Variants in RB1 observed in about 807,000 individuals in gnomAD.
RB1 encodes RB transcriptional corepressor 1.
A neutral mutation model predicts 135.4 loss-of-function variants in RB1; 18 were observed. The ratio of observed to expected loss-of-function variants is 0.13; its 90% CI spans 0.09 to 0.20. RB1 has a LOEUF of 0.20. Among genes scored for constraint, RB1 ranks in the 10% least tolerant of loss-of-function variants. The pLI is 1.00. For synonymous variants in RB1, 365 were observed against 373.2 expected (o/e 0.98, Z 0.25); for missense variants, 868 against 1,110.0 (o/e 0.78, Z 3.10).
chr13:48,326,955 A>C (rs553997783), intron 2 of RB1, among the ~76,000 whole-genome samples: 1 of 152,272 alleles, frequency 6.6e-6, no homozygotes, highest in East Asian at 1.9e-4. Context: ...ATTCCAAAAA[A>C]TGTTTGAAGA....
chr13:48,392,463 A>C (rs1948618167), intron 17 of RB1, among the ~76,000 whole-genome samples: 1 of 151,880 alleles, frequency 6.6e-6, no homozygotes, highest in Non-Finnish European at 1.5e-5. Context: ...TCTGTATTTC[A>C]TGTTGAATAC....
chr13:48,339,314 G>A (rs1459974324), intron 2 of RB1, among the ~76,000 whole-genome samples: 3 of 152,188 alleles, frequency 2.0e-5, no homozygotes, highest in African/African-American at 7.2e-5. Flanking sequence ...CCTGCGGTGG[G>A]CTCCACCCAG....
intron 2 of RB1, among the ~76,000 whole-genome samples, chr13:48,323,795 T>A (rs1206461421): frequency 6.6e-5 from 10 of 152,100 alleles, no homozygotes. Flanking sequence ...CATTAAGCTT[T>A]CCTGGAGAAG....
chr13:48,315,054 C>CT (rs1952169580), intron 2 of RB1, among the ~76,000 whole-genome samples: 1 of 149,890 alleles, frequency 6.7e-6, no homozygotes, highest in Non-Finnish European at 1.5e-5. Context: ...TTTTTTTTTT[C>CT]TTTTTCCTAA....
chr13:48,317,629 C>A, intron 2 of RB1: 2 of 496,864 alleles, frequency 4.0e-6, no homozygotes, highest in Non-Finnish European at 6.5e-6. Flanking sequence ...AACATTTCTC[C>A]TGCTCGCTGA....
chr13:48,425,677 T>A (rs411661), intron 17 of RB1, among the ~76,000 whole-genome samples: 137,650 of 151,952 alleles, frequency 0.91, 63,375 homozygotes, highest in East Asian at 1. Flanking sequence ...ATATAGAGAG[T>A]CCTCAACTCT....
At chr13:48,328,649 CA>C (rs4151446) in intron 2 of RB1, 13,750 of 546,444 alleles carry the variant, frequency 0.025, 1,201 homozygotes, top group African/African-American at 0.2. Flanking sequence ...AAAATAGCTA[CA>C]AGGTATTTCT....
intron 17 of RB1, among the ~76,000 whole-genome samples, chr13:48,386,768 G>A (rs1948574278): frequency 6.6e-6 from 1 of 152,164 alleles, no homozygotes; most frequent in African/African-American, 2.4e-5. Context: ...AATCGGTGGT[G>A]ATATCAATGA....
At chr13:48,321,636 A>C (rs1388828177) in intron 2 of RB1, among the ~76,000 whole-genome samples, 1 of 152,018 alleles carries the variant, frequency 6.6e-6, no homozygotes, top group East Asian at 1.9e-4. Flanking sequence ...CGGGTGGATC[A>C]CCTGAGGTCA....
intron 19 of RB1, 87 bp downstream of exon 19, chr13:48,456,436 T>C: frequency 2.0e-6 from 3 of 1,528,602 alleles, no homozygotes; most frequent in Middle Eastern, 1.7e-4. Context: ...TCTAGGTACA[T>C]TACTGGGCAA....
At chr13:48,462,892 A>T (rs1371771683) in intron 20 of RB1, among the ~76,000 whole-genome samples, 1 of 152,124 alleles carries the variant, frequency 6.6e-6, no homozygotes, top group Admixed American at 6.5e-5. Context: ...TTGACTGTAA[A>T]TATATAAGTA....
At chr13:48,346,493 A>G (rs1051080288) in intron 4 of RB1, among the ~76,000 whole-genome samples, 1 of 151,120 alleles carries the variant, frequency 6.6e-6, no homozygotes, top group African/African-American at 2.4e-5. Flanking sequence ...TTTAATTCAT[A>G]TCTGGTAGCT....
At chr13:48,455,731 T>C (rs1949355695) in intron 18 of RB1, among the ~76,000 whole-genome samples, 1 of 152,198 alleles carries the variant, frequency 6.6e-6, no homozygotes, top group Admixed American at 6.5e-5. Flanking sequence ...AATAATGTTA[T>C]TTGAAGTATT....
chr13:48,391,890 G>A (rs969723008), intron 17 of RB1, among the ~76,000 whole-genome samples: 1 of 152,056 alleles, frequency 6.6e-6, no homozygotes, highest in Non-Finnish European at 1.5e-5. Context: ...AAAGGGCTGG[G>A]ATTACTGGCA....
chr13:48,481,738 G>A lies in RB1; in HGVS notation c.*1667G>A, dbSNP rs887237662. 8 of 229,390 alleles carry A rather than the reference G, an allele frequency of 3.5e-5. No homozygotes were observed. Among genetic ancestry groups the A allele is most frequent in the Non-Finnish European group, 4.3e-5 (5 of 115,602 alleles). 14.2% of individuals were successfully genotyped at this position (229,390 alleles called of 1,614,324 possible). On this transcript the variant is annotated 3_prime_UTR_variant, in exon 27 of 27. Transcript: ENST00000267163. Reference sequence around the variant, plus strand: ...CAGAATTTTAGGAACTTCAGAGATCGTGTATTGAGATTTCTTAAATAATGC... The same window carrying A: ...CAGAATTTTAGGAACTTCAGAGATCATGTATTGAGATTTCTTAAATAATGC...
At chr13:48,341,374 A>C (rs1244002934) in intron 2 of RB1, 2 of 151,858 alleles carry the variant, frequency 1.3e-5, no homozygotes, top group African/African-American at 2.4e-5. Flanking sequence ...TTATGACTGA[A>C]GCTGCTATGA....
chr13:48,409,054 GAAGAA>G (rs1311763484), intron 17 of RB1, among the ~76,000 whole-genome samples: 1 of 151,624 alleles, frequency 6.6e-6, no homozygotes, highest in Non-Finnish European at 1.5e-5. Context: ...CAGGTCAATG[GAAGAA>G]AACACATTTA....
chr13:48,406,112 GTA>G (rs1491520449), intron 17 of RB1, among the ~76,000 whole-genome samples: 10 of 100,796 alleles, frequency 9.9e-5, no homozygotes, highest in Non-Finnish European at 1.4e-4. Context: ...GTGTGTGTGT[GTA>G]TGTATGTATG....
At chr13:48,390,500 T>G (rs1593462221) in intron 17 of RB1, among the ~76,000 whole-genome samples, 1 of 152,240 alleles carries the variant, frequency 6.6e-6, no homozygotes, top group Non-Finnish European at 1.5e-5. Flanking sequence ...ATGTCTTCAG[T>G]GCTTGAGGGG....
Sources: gnomAD v4.1 joint callset for allele counts (sites outside exome capture counted in the v4.1 genomes callset) on GRCh38, gnomAD v4.1.1 for gene constraint, MANE v1.5 for transcripts, NCBI Gene and HGNC (gene_info 2026-07-23, HGNC 2026-07-21) for gene names.